The following SPCS2 variants were observed in gnomAD, a reference collection of about 807,000 sequenced individuals.
SPCS2 encodes SPase 25 kDa subunit.
A neutral mutation model predicts 22.3 loss-of-function variants in SPCS2; 3 were observed. The ratio of observed to expected loss-of-function variants is 0.13; its 90% CI spans 0.06 to 0.35. The LOEUF (loss-of-function observed/expected upper bound fraction) is 0.35. Among genes scored for constraint, SPCS2 ranks in the 10% least tolerant of loss-of-function variants. The pLI is 1.00. For synonymous variants in SPCS2, 67 were observed against 97.2 expected (o/e 0.69, Z 1.83); for missense variants, 169 against 280.9 (o/e 0.60, Z 2.85).
chr11:74,958,130 G>A (rs1215384800), intron 1 of SPCS2, among the ~76,000 whole-genome samples: 3 of 152,282 alleles, frequency 2.0e-5, no homozygotes, highest in East Asian at 3.9e-4. Flanking sequence ...AAGCAGCCCC[G>A]TCACTGCTAA....
chr11:74,956,015 A>T (rs1948477210), intron 1 of SPCS2, among the ~76,000 whole-genome samples: 1 of 150,786 alleles, frequency 6.6e-6, no homozygotes, highest in African/African-American at 2.4e-5. Context: ...CTTATTGATC[A>T]CTTCTTTTTT....
chr11:74,974,801 A>G (rs1386451508), intron 4 of SPCS2, among the ~76,000 whole-genome samples: 2 of 152,038 alleles, frequency 1.3e-5, no homozygotes, highest in Non-Finnish European at 2.9e-5. Flanking sequence ...TTTTTAGTAG[A>G]GACGGGGTTT....
rs995512283 is a variant in SPCS2, at chr11:74,978,082, T to C, written c.*1039T>C. The C allele has an allele frequency of 6.6e-6, 1 of 152,038 alleles. No individual in the cohort carries two copies. Among genetic ancestry groups the C allele is most frequent in the Non-Finnish European group, 1.5e-5 (1 of 68,006 alleles). The allele number at this position is 152,038 out of a possible 1,614,324, so 9.4% of individuals were successfully genotyped here. On this transcript the variant is annotated 3_prime_UTR_variant, in exon 5 of 5. Transcript: ENST00000263672. ...AGAACTGGGATTCAAACCTGGGGAG[T>C]CCGGCTTCAGAGTTTGTGGTCCTGC...
intron 3 of SPCS2, among the ~76,000 whole-genome samples, chr11:74,968,965 A>G (rs1053871762): frequency 5.9e-5 from 9 of 152,166 alleles, no homozygotes; most frequent in Non-Finnish European, 7.4e-5. Flanking sequence ...CATCGTGCCC[A>G]GCCTTGTTTA....
In SPCS2 at chr11:74,960,969, T is replaced by G. The variant is rs185624499; in HGVS notation, c.115-4065T>G. 5.1e-4 allele frequency among the ~76,000 whole-genome samples: 77 copies of G among 152,234 alleles called. No homozygotes were observed. In the East Asian group the frequency reaches 0.013, roughly 26 times the overall value. On this transcript the variant is annotated intron_variant, in intron 1 of 4. Coordinates refer to ENST00000263672, the MANE Select transcript of SPCS2 (RefSeq NM_014752.3). ...TGACCATGTTTACATTTGCTAAATT[T>G]AAACTGGAGAGTAACATTTTAGAGA...
At position 74,966,025 on chromosome 11, in the gene SPCS2, T is replaced by C. The variant is rs1040288359; in HGVS notation, c.359+102T>C. 5 of 1,072,150 alleles carry C rather than the reference T, an allele frequency of 4.7e-6. No homozygotes were observed. The African/African-American group carries it at 6.4e-5, about 14-fold the overall frequency. 66.4% of individuals were successfully genotyped at this position (1,072,150 alleles called of 1,614,324 possible). On this transcript the variant is annotated intron_variant, in intron 3 of 4. Coordinates refer to ENST00000263672, the MANE Select transcript of SPCS2 (RefSeq NM_014752.3). ...CAAAACGGACTTTCATATTAGGGCT[T>C]GCTAATGTTAGAATTCAACATTTTG...
chr11:74,974,413 C>T (rs1207086320), intron 4 of SPCS2, among the ~76,000 whole-genome samples: 1 of 152,138 alleles, frequency 6.6e-6, no homozygotes, highest in East Asian at 1.9e-4. Context: ...TCCAAACCTG[C>T]CCTTCCCTCA....
At chr11:74,954,706 A>G (rs1353212387) in intron 1 of SPCS2, among the ~76,000 whole-genome samples, 1 of 152,206 alleles carries the variant, frequency 6.6e-6, no homozygotes, top group Non-Finnish European at 1.5e-5. Flanking sequence ...TAGCGTCTCA[A>G]AACTCATTAT....
intron 1 of SPCS2, among the ~76,000 whole-genome samples, chr11:74,949,924 A>G (rs909089185): frequency 1.3e-5 from 2 of 152,168 alleles, no homozygotes; most frequent in South Asian, 2.1e-4. Flanking sequence ...CTGGGCTGAC[A>G]AGAAGCCTTT....
At chr11:74,969,486 A>G (rs1197917629) in intron 3 of SPCS2, 79 bp from the exon 4 acceptor site, 1 of 1,392,198 alleles carries the variant, frequency 7.2e-7, no homozygotes, top group Non-Finnish European at 9.9e-7. Context: ...TCATTATGAA[A>G]GTTTTTATAT....
chr11:74,963,646 G>A (rs1193393973), intron 1 of SPCS2: 2 of 432,508 alleles, frequency 4.6e-6, no homozygotes, highest in Non-Finnish European at 9.3e-6. Flanking sequence ...CTGGGCTCAA[G>A]CTGTTCTGCC....
At chr11:74,969,502 G>C in intron 3 of SPCS2, 63 bp from the exon 4 acceptor site, 1 of 1,501,250 alleles carries the variant, frequency 6.7e-7, no homozygotes, top group East Asian at 2.3e-5. Context: ...TATATCTGTT[G>C]CTTGTCAATT....
At chr11:74,974,258 C>T (rs1475940149) in intron 4 of SPCS2, among the ~76,000 whole-genome samples, 2 of 152,196 alleles carry the variant, frequency 1.3e-5, no homozygotes, top group Non-Finnish European at 2.9e-5. Context: ...GGAACCTCTT[C>T]TCTATGATGA....
chr11:74,957,494 G>A (rs1162536134), intron 1 of SPCS2, among the ~76,000 whole-genome samples: 3 of 152,112 alleles, frequency 2.0e-5, no homozygotes, highest in South Asian at 2.1e-4. Context: ...AGGACTCATC[G>A]CACATCTGTA....
intron 1 of SPCS2, chr11:74,963,703 A>G (rs1744261095): frequency 2.8e-6 from 1 of 357,426 alleles, no homozygotes; most frequent in African/African-American, 2.2e-5. Flanking sequence ...CACCACTGCC[A>G]TCTCTTTATT....
intron 1 of SPCS2, among the ~76,000 whole-genome samples, chr11:74,960,058 T>C (rs1018437008): frequency 1.3e-5 from 2 of 152,214 alleles, no homozygotes; most frequent in African/African-American, 4.8e-5. Context: ...ACAAAAGTTG[T>C]CTTTATCTTG....
intron 1 of SPCS2, among the ~76,000 whole-genome samples, chr11:74,952,843 T>TA (rs770402798): frequency 9.2e-5 from 14 of 152,196 alleles, no homozygotes; most frequent in Non-Finnish European, 1.6e-4. Flanking sequence ...GTTTCAGCCT[T>TA]ACATTGAACT....
At chr11:74,974,234 C>G (rs1429001812) in intron 4 of SPCS2, among the ~76,000 whole-genome samples, 2 of 152,126 alleles carry the variant, frequency 1.3e-5, no homozygotes, top group Non-Finnish European at 2.9e-5. Context: ...TGAAATGCCA[C>G]CAGGGCTTGT....
intron 4 of SPCS2, among the ~76,000 whole-genome samples, chr11:74,974,000 C>T (rs923121558): frequency 6.6e-6 from 1 of 152,038 alleles, no homozygotes; most frequent in Non-Finnish European, 1.5e-5. Context: ...ACAGTCTCCT[C>T]ATTTCTCTGC....
Sources: allele counts gnomAD v4.1 joint callset (sites outside exome capture counted in the v4.1 genomes callset), GRCh38; gene constraint gnomAD v4.1.1; transcripts MANE v1.5; gene names NCBI Gene and HGNC (gene_info 2026-07-23, HGNC 2026-07-21).